The following RAB5A variants were observed in gnomAD, a reference collection of about 807,000 sequenced individuals.
The protein encoded by RAB5A is ras-related protein Rab-5A.
RAB5A carries 8 observed loss-of-function variants against 25.7 expected under a neutral mutation model. The ratio of observed to expected loss-of-function variants is 0.31; its 90% CI spans 0.18 to 0.56. The LOEUF (loss-of-function observed/expected upper bound fraction) is 0.56. Among genes scored for constraint, RAB5A ranks in the 20% least tolerant of loss-of-function variants. The pLI is 0.91. For missense variants in RAB5A, 192 were observed against 259.7 expected (o/e 0.74, Z 1.79); for synonymous variants, 98 against 89.8 (o/e 1.09, Z -0.52).
At chr3:19,950,296 T>G (rs538659798) in intron 1 of RAB5A, among the ~76,000 whole-genome samples, 18 of 152,218 alleles carry the variant, frequency 1.2e-4, no homozygotes, top group Admixed American at 2.6e-4. Flanking sequence ...ACAGAAAACT[T>G]CAAATAATAC....
chr3:19,976,918 G>C (rs1201132826), intron 4 of RAB5A, among the ~76,000 whole-genome samples: 3 of 152,084 alleles, frequency 2.0e-5, no homozygotes, highest in African/African-American at 7.2e-5. Context: ...TGTATCCAGA[G>C]TTGGAAAATA....
chr3:19,970,711 G>C (rs889311359), intron 2 of RAB5A: 3 of 403,802 alleles, frequency 7.4e-6, no homozygotes, highest in Non-Finnish European at 1.5e-5. Context: ...TGGTTTTACA[G>C]ATTCAGGTAA....
chr3:19,952,729 A>G (rs565937762), intron 2 of RAB5A, among the ~76,000 whole-genome samples: 1 of 152,088 alleles, frequency 6.6e-6, no homozygotes, highest in South Asian at 2.1e-4. Context: ...GTTAATACAC[A>G]ATATATTAGA....
chr3:19,959,076 A>G (rs1696546795), intron 2 of RAB5A, among the ~76,000 whole-genome samples: 1 of 152,204 alleles, frequency 6.6e-6, no homozygotes, highest in South Asian at 2.1e-4. Context: ...TATGAGCATC[A>G]GTTTTTGCCT....
At chr3:19,969,710 T>C (rs1384452417) in intron 2 of RAB5A, among the ~76,000 whole-genome samples, 2 of 152,228 alleles carry the variant, frequency 1.3e-5, no homozygotes, top group Non-Finnish European at 2.9e-5. Flanking sequence ...ATAATAAGTT[T>C]GGGCTTGAAG....
intron 2 of RAB5A, among the ~76,000 whole-genome samples, chr3:19,972,039 C>G (rs1018104466): frequency 1.3e-5 from 2 of 152,058 alleles, no homozygotes; most frequent in Non-Finnish European, 2.9e-5. Context: ...GTTGAGCATC[C>G]CTAATCTGAA....
chr3:19,957,490 TAAAA>T (rs57627468), intron 2 of RAB5A, among the ~76,000 whole-genome samples: 4 of 138,692 alleles, frequency 2.9e-5, no homozygotes, highest in Non-Finnish European at 3.1e-5. Flanking sequence ...CCATCCTTAC[TAAAA>T]AAAAAAAAAA....
At chr3:19,949,913 C>T (rs556836635) in intron 1 of RAB5A, among the ~76,000 whole-genome samples, 3 of 152,084 alleles carry the variant, frequency 2.0e-5, no homozygotes, top group African/African-American at 7.2e-5. Context: ...TTCTGAGCGC[C>T]TGTAGTCTCA....
chr3:19,965,209 A>G (rs1696643629), intron 2 of RAB5A, among the ~76,000 whole-genome samples: 1 of 152,278 alleles, frequency 6.6e-6, no homozygotes, highest in African/African-American at 2.4e-5. Flanking sequence ...GGTGTGAGCC[A>G]CTGTGCCCGG....
intron 5 of RAB5A, 117 bp downstream of exon 5, chr3:19,978,520 T>C (rs765794062): frequency 9.3e-5 from 60 of 642,212 alleles, no homozygotes; most frequent in Non-Finnish European, 1.7e-4. Context: ...TGTATGTTTA[T>C]GTGTGTGTGT....
intron 2 of RAB5A, among the ~76,000 whole-genome samples, chr3:19,958,012 A>C (rs17181547): frequency 0.14 from 21,344 of 152,230 alleles, 1,841 homozygotes; most frequent in Non-Finnish European, 0.2. Context: ...GTTAGCCTTC[A>C]GAATGACTTC....
intron 2 of RAB5A, among the ~76,000 whole-genome samples, chr3:19,952,193 C>A (rs1696434427): frequency 6.6e-6 from 1 of 152,112 alleles, no homozygotes; most frequent in Non-Finnish European, 1.5e-5. Context: ...AAAAAATTGA[C>A]TTTAATCAAA....
Position 19,950,963 on chromosome 3 carries a change from A to G in RAB5A, c.65A>G (p.Lys22Arg), listed in dbSNP as rs1418797273. Residue 22 changes from lysine (K) to arginine (R), a missense_variant, in exon 2 of 6, where the codon AAA (lysine) becomes AGA (arginine). Lys to Arg is a conservative substitution (Grantham distance 26). Transcript: ENST00000273047. Reference sequence around the variant, plus strand: ...ACGGGAAATAAAATATGCCAGTTCAAACTAGTACTTCTGGGAGAGTCCGCT... The same window carrying G: ...ACGGGAAATAAAATATGCCAGTTCAGACTAGTACTTCTGGGAGAGTCCGCT... ...PNTGNKICQF[K>R]LVLLGESAVG... 3 of 1,614,018 alleles carry G rather than the reference A, an allele frequency of 1.9e-6. No homozygotes were observed. The highest frequency in any genetic ancestry group is 1.3e-5 in the African/African-American group (1 of 74,930).
intron 2 of RAB5A, among the ~76,000 whole-genome samples, chr3:19,973,182 TG>T (rs1293889662): frequency 6.6e-6 from 1 of 152,194 alleles, no homozygotes; most frequent in Non-Finnish European, 1.5e-5. Context: ...TGTTATCCAT[TG>T]GGGATTCTAG....
chr3:19,969,042 TTG>T (rs1491492440), intron 2 of RAB5A, among the ~76,000 whole-genome samples: 20 of 76,238 alleles, frequency 2.6e-4, no homozygotes, highest in East Asian at 8.5e-4. Context: ...TTTTTTTTTT[TTG>T]GTTTTTTTTT....
intron 4 of RAB5A, among the ~76,000 whole-genome samples, chr3:19,976,399 A>G (rs905082930): frequency 5.9e-5 from 9 of 152,212 alleles, no homozygotes; most frequent in Non-Finnish European, 1.2e-4. Context: ...GACTTAAACA[A>G]TAAAGGCCGG....
chr3:19,959,068 T>A (rs6792845), intron 2 of RAB5A, among the ~76,000 whole-genome samples: 31,123 of 152,130 alleles, frequency 0.2, 3,812 homozygotes, highest in African/African-American at 0.34. Context: ...GGAATCATTA[T>A]GAGCATCAGT....
chr3:19,980,449 T>TC (rs1368370608), intron 5 of RAB5A, among the ~76,000 whole-genome samples: 2 of 151,670 alleles, frequency 1.3e-5, no homozygotes, highest in Non-Finnish European at 2.9e-5. Flanking sequence ...TAGTAAATTT[T>TC]TTTTTCTTTT....
intron 2 of RAB5A, among the ~76,000 whole-genome samples, chr3:19,971,026 A>T (rs944897542): frequency 6.6e-6 from 1 of 152,006 alleles, no homozygotes; most frequent in African/African-American, 2.4e-5. Flanking sequence ...GTGAAACCCC[A>T]TCTCTACTAA....
Sources: allele counts gnomAD v4.1 joint callset (sites outside exome capture counted in the v4.1 genomes callset), GRCh38; gene constraint gnomAD v4.1.1; transcripts MANE v1.5; gene names NCBI Gene and HGNC (gene_info 2026-07-23, HGNC 2026-07-21).